DIPK1C: variants seen among roughly 807,000 people sequenced by gnomAD.
The protein encoded by DIPK1C is divergent protein kinase domain 1C, also known as familial non-conventional Alzheimer's dementia.
DIPK1C carries 33 observed loss-of-function variants against 28.0 expected under a neutral mutation model. That is an observed-to-expected ratio of 1.18 (90% CI 0.89 to 1.58). The LOEUF is 1.58. Among genes scored for constraint, DIPK1C ranks in the 40% most tolerant of loss-of-function variants. DIPK1C has a pLI of 0.00. For missense variants in DIPK1C, 569 were observed against 568.5 expected, an observed-to-expected ratio of 1.00 and a Z score of -0.01; for synonymous variants, 255 against 248.8, an observed-to-expected ratio of 1.02 and a Z score of -0.23.
intron 1 of DIPK1C, among the ~76,000 whole-genome samples, chr18:74,454,975 G>A (rs79476922): frequency 0.017 from 2,641 of 152,246 alleles, 156 homozygotes; most frequent in East Asian, 0.17. Context: ...AAACCAGTTC[G>A]TGGAGACAGC....
chr18:74,442,879 C>G (rs1353675317), intron 2 of DIPK1C, among the ~76,000 whole-genome samples: 2 of 152,204 alleles, frequency 1.3e-5, no homozygotes, highest in African/African-American at 4.8e-5. Flanking sequence ...CTGTAAGATA[C>G]AGAGAACCTA....
At chr18:74,454,418 C>G (rs1358670500) in intron 1 of DIPK1C, among the ~76,000 whole-genome samples, 3 of 152,220 alleles carry the variant, frequency 2.0e-5, no homozygotes, top group African/African-American at 4.8e-5. Flanking sequence ...CCTGCCAGGC[C>G]AGCAACGCCC....
chr18:74,438,889 C>A (rs1278844618), intron 3 of DIPK1C, among the ~76,000 whole-genome samples: 1 of 152,196 alleles, frequency 6.6e-6, no homozygotes, highest in Non-Finnish European at 1.5e-5. Context: ...TGGGCCCACC[C>A]TCTTTAACCA....
upstream of DIPK1C, chr18:74,457,660 G>T (rs1298615360): frequency 6.6e-6 from 1 of 151,216 alleles, no homozygotes; most frequent in Non-Finnish European, 1.5e-5. Flanking sequence ...TCTCTGAGAG[G>T]CCAGGTGCCC....
At chr18:74,456,580 G>A (rs892029626) in intron 1 of DIPK1C, among the ~76,000 whole-genome samples, 2 of 152,190 alleles carry the variant, frequency 1.3e-5, no homozygotes, top group African/African-American at 4.8e-5. Context: ...GGTGAGATAG[G>A]GGGTGACCTG....
chr18:74,436,814 C>T, intron 3 of DIPK1C, 95 bp from the exon 4 acceptor site: 8 of 1,177,086 alleles, frequency 6.8e-6, no homozygotes, highest in Admixed American at 2.5e-5. Context: ...ATTTCAGCTT[C>T]TCTCCCACCC....
upstream of DIPK1C, chr18:74,457,357 GGGAACGGGGGA>G: frequency 1.1e-6 from 1 of 898,378 alleles, no homozygotes; most frequent in Non-Finnish European, 1.3e-6. Flanking sequence ...GGCGGGGAGG[GGGAACGGGGGA>G]GGGGCCGCGC....
intron 3 of DIPK1C, among the ~76,000 whole-genome samples, chr18:74,440,281 T>C (rs1369228106): frequency 6.6e-6 from 1 of 152,208 alleles, no homozygotes; most frequent in Non-Finnish European, 1.5e-5. Flanking sequence ...ATGCTTCATA[T>C]TTTCTCATAT....
chr18:74,462,202 C>T (rs765306397), upstream of DIPK1C, among the ~76,000 whole-genome samples: 2 of 152,204 alleles, frequency 1.3e-5, no homozygotes, highest in Non-Finnish European at 2.9e-5. Flanking sequence ...GGCTGTGGAA[C>T]GTCTCTATCA....
intron 3 of DIPK1C, among the ~76,000 whole-genome samples, chr18:74,439,146 T>C (rs1460223701): frequency 6.6e-6 from 1 of 152,188 alleles, no homozygotes; most frequent in East Asian, 1.9e-4. Context: ...TAATTAAATT[T>C]GTCAACTGTT....
At chr18:74,443,205 T>C (rs1986183475) in intron 2 of DIPK1C, among the ~76,000 whole-genome samples, 1 of 152,146 alleles carries the variant, frequency 6.6e-6, no homozygotes, top group Non-Finnish European at 1.5e-5. Flanking sequence ...AGAGAGAGAA[T>C]AACTTCTAAA....
At chr18:74,450,505 G>A (rs1986374524) in intron 1 of DIPK1C, among the ~76,000 whole-genome samples, 1 of 152,148 alleles carries the variant, frequency 6.6e-6, no homozygotes, top group South Asian at 2.1e-4. Context: ...GGAGGCTCAG[G>A]AGAAAAATGT....
At chr18:74,458,827 C>T (rs931705522), upstream of DIPK1C, among the ~76,000 whole-genome samples, 3 of 152,026 alleles carry the variant, frequency 2.0e-5, no homozygotes, top group South Asian at 2.1e-4. Context: ...TAAAATACTG[C>T]ATTAAACTCT....
At chr18:74,462,311 C>T (rs1986629810), upstream of DIPK1C, among the ~76,000 whole-genome samples, 1 of 152,196 alleles carries the variant, frequency 6.6e-6, no homozygotes, top group African/African-American at 2.4e-5. Flanking sequence ...GTTTTTTGGA[C>T]ACTTCATATA....
At chr18:74,463,273 G>A in the DIPK1C span, among the ~76,000 whole-genome samples, 1 of 152,154 alleles carries the variant, frequency 6.6e-6, no homozygotes, top group Non-Finnish European at 1.5e-5. Flanking sequence ...ACCACTCACT[G>A]GAGTCTTTGC....
At chr18:74,442,937 C>A (rs925705089) in intron 2 of DIPK1C, among the ~76,000 whole-genome samples, 8 of 152,180 alleles carry the variant, frequency 5.3e-5, no homozygotes, top group Admixed American at 5.2e-4. Flanking sequence ...AGTGGCTGGT[C>A]TCCGGGTGTG....
chr18:74,447,372 T>C lies in DIPK1C; in HGVS notation c.199-89A>G. ...GGTTAGGGAAGGGGACAGCCTAGCC[T>C]CTGCCCTCAGGACGCTGATAATCCA... On this transcript the variant is annotated intron_variant, in intron 1 of 3. Transcript: ENST00000343998. The surrounding 1 kb of genome is among the most constrained non-coding windows in gnomAD (Gnocchi z 4.1). The C allele has an allele frequency of 7.7e-7, 1 of 1,291,418 alleles. No homozygotes were observed. Among genetic ancestry groups the C allele is most frequent in the Non-Finnish European group, 1.0e-6 (1 of 965,190 alleles). 80.0% of individuals were successfully genotyped at this position (1,291,418 alleles called of 1,614,324 possible). A position where few individuals can be genotyped will look rare whatever the true frequency, so the allele number is the denominator to read the frequency against.
upstream of DIPK1C, among the ~76,000 whole-genome samples, chr18:74,462,670 A>C (rs563721695): frequency 3.9e-4 from 60 of 152,198 alleles, no homozygotes; most frequent in Non-Finnish European, 4.4e-5. Flanking sequence ...TTTGCTTAAA[A>C]AAAAAAAAAA....
Position 74,457,185 on chromosome 18 carries a change from G to A in DIPK1C, c.75C>T (p.Leu25=), listed in dbSNP as rs1483886664. 7.9e-7 allele frequency: 1 copy of A among 1,260,896 alleles called. No homozygotes were observed. The highest frequency in any genetic ancestry group is 9.9e-7 in the Non-Finnish European group (1 of 1,006,716). The allele number at this position is 1,260,896 out of a possible 1,614,324, so 78.1% of individuals were successfully genotyped here. Residue 25 remains leucine (L), a synonymous_variant, in exon 1 of 4, where the codon CTC becomes CTT. Coordinates refer to ENST00000343998, the MANE Select transcript of DIPK1C (RefSeq NM_001044369.3). ...RRRGRCGRGT[L]LAFAAWTAGW... ...CCGCGGTCCACGCGGCGAAGGCGAGGAGCGTGCCCCGCCCGCAGCGCCCGC... is the reference window on the plus strand; with the variant it reads ...CCGCGGTCCACGCGGCGAAGGCGAGAAGCGTGCCCCGCCCGCAGCGCCCGC...
Sources: allele counts gnomAD v4.1 joint callset (sites outside exome capture counted in the v4.1 genomes callset), GRCh38; gene constraint gnomAD v4.1.1; non-coding constraint Gnocchi (gnomAD v3.1); transcripts MANE v1.5; gene names NCBI Gene and HGNC (gene_info 2026-07-23, HGNC 2026-07-21).